PPP1R1C: variants seen among roughly 807,000 people sequenced by gnomAD.
PPP1R1C encodes the protein protein phosphatase 1 regulatory inhibitor subunit 1C, also known as protein phosphatase 1 regulatory subunit 1C.
Under a neutral mutation model 17.4 loss-of-function variants are expected in PPP1R1C, and 15 were observed. The observed-to-expected ratio is 0.86, with a 90% CI of 0.58 to 1.33. PPP1R1C has a LOEUF of 1.33. Ranked by LOEUF, PPP1R1C falls within the 40% of genes most tolerant of loss-of-function variation. The probability of loss-of-function intolerance (pLI) is 0.00; values close to 1 mark genes in which losing one functional copy is unlikely to be tolerated. For missense variants in PPP1R1C, 143 were observed against 130.0 expected, an observed-to-expected ratio of 1.10 and a Z score of -0.48; for synonymous variants, 35 against 43.1, an observed-to-expected ratio of 0.81 and a Z score of 0.73.
chr2:181,958,633 T>C (rs1684709612), intron 1 of PPP1R1C, among the ~76,000 whole-genome samples: 1 of 152,226 alleles, frequency 6.6e-6, no homozygotes, highest in Non-Finnish European at 1.5e-5. Flanking sequence ...GAAGTCTTTC[T>C]TGTACTCACT....
intron 4 of PPP1R1C, among the ~76,000 whole-genome samples, chr2:182,070,056 C>T (rs572595952): frequency 6.6e-6 from 1 of 152,290 alleles, no homozygotes; most frequent in East Asian, 1.9e-4. Context: ...GTGGATAGAG[C>T]ATAGCATGGT....
chr2:182,105,400 C>A (rs896259849), intron 4 of PPP1R1C, among the ~76,000 whole-genome samples: 1 of 152,168 alleles, frequency 6.6e-6, no homozygotes, highest in African/African-American at 2.4e-5. Context: ...AGTTGTGCTT[C>A]TCCATTGGGG....
intron 4 of PPP1R1C, among the ~76,000 whole-genome samples, chr2:182,107,754 C>T (rs183533250): frequency 3.3e-5 from 5 of 152,246 alleles, no homozygotes; most frequent in Non-Finnish European, 5.9e-5. Context: ...GCACATCCTC[C>T]TCTTTCTCAG....
At chr2:182,014,138 G>A (rs1686174911) in intron 2 of PPP1R1C, among the ~76,000 whole-genome samples, 1 of 152,130 alleles carries the variant, frequency 6.6e-6, no homozygotes. Context: ...GGTGTTGATT[G>A]TGGTCTTTAT....
At chr2:182,069,274 C>CT (rs752186150) in intron 4 of PPP1R1C, among the ~76,000 whole-genome samples, 1,659 of 142,862 alleles carry the variant, frequency 0.012, 12 homozygotes, top group Non-Finnish European at 0.018. Context: ...GTCTCGCTTT[C>CT]TTTTTTTTTT....
intron 2 of PPP1R1C, among the ~76,000 whole-genome samples, chr2:182,053,065 A>G (rs1458403282): frequency 1.3e-5 from 2 of 152,244 alleles, no homozygotes; most frequent in African/African-American, 4.8e-5. Context: ...ACACAAAACA[A>G]AAGTGTATGT....
At chr2:182,031,493 C>G (rs1266390795) in intron 2 of PPP1R1C, among the ~76,000 whole-genome samples, 1 of 152,234 alleles carries the variant, frequency 6.6e-6, no homozygotes, top group South Asian at 2.1e-4. Flanking sequence ...TTAGTTATAG[C>G]CTGGAGAATT....
chr2:182,117,188 A>G lies in PPP1R1C; in HGVS notation c.242-19A>G, dbSNP rs756599773. On this transcript the variant is annotated intron_variant, in intron 4 of 4. Transcript: ENST00000682840. ...GAAATGAAAATCATTTAAATTTTGC[A>G]TAATTTTTATAATTTCAGGGGTTAA... The G allele has an allele frequency of 5.4e-6, 8 of 1,483,346 alleles. No homozygotes were observed. The South Asian group carries it at 7.6e-5, about 14-fold the overall frequency. 91.9% of individuals were successfully genotyped at this position (1,483,346 alleles called of 1,614,324 possible).
chr2:182,051,180 A>T (rs1574411819), intron 2 of PPP1R1C, among the ~76,000 whole-genome samples: 1 of 152,328 alleles, frequency 6.6e-6, no homozygotes, highest in Non-Finnish European at 1.5e-5. Flanking sequence ...CATGATTGAG[A>T]CTTTTATTCT....
At chr2:181,987,507 A>G (rs1287568213) in intron 1 of PPP1R1C, among the ~76,000 whole-genome samples, 2 of 152,238 alleles carry the variant, frequency 1.3e-5, no homozygotes, top group Admixed American at 1.3e-4. Flanking sequence ...CAATGTTATG[A>G]GGCTCCAAGC....
intron 2 of PPP1R1C, among the ~76,000 whole-genome samples, chr2:182,033,468 A>G (rs551322438): frequency 5.5e-4 from 84 of 152,326 alleles, no homozygotes; most frequent in Middle Eastern, 3.4e-3. Flanking sequence ...AAGTGAATTT[A>G]TGACTTCCTT....
chr2:181,977,364 T>G (rs1685112519), intron 2 of PPP1R1C, among the ~76,000 whole-genome samples: 2 of 151,994 alleles, frequency 1.3e-5, no homozygotes, highest in South Asian at 2.1e-4. Flanking sequence ...GTCTTCTTAC[T>G]CCTCTGATTG....
intron 2 of PPP1R1C, among the ~76,000 whole-genome samples, chr2:182,049,332 C>CAAAAAA (rs3064024): frequency 2.6e-5 from 2 of 77,964 alleles, no homozygotes; most frequent in Admixed American, 1.2e-4. Context: ...GATTCCATCT[C>CAAAAAA]AAAAAAAAAA....
In PPP1R1C at chr2:181,963,378, C is replaced by T. The variant is rs190541660; in HGVS notation, n.111+8744C>T. ...AAAGTTGGCCAGGCGCAATGGCTTA[C>T]GCCTGTAATCCCAGCACTTTGGGGG... is the stretch of plus-strand genomic sequence containing the variant. On this transcript the variant is annotated intron_variant and non_coding_transcript_variant, in intron 1 of 5. Transcript: ENST00000464264. Among the ~76,000 whole-genome samples the T allele has an allele frequency of 4.4e-3, 666 of 152,306 alleles. 19 individuals are homozygous for T. The highest frequency in any genetic ancestry group is 4.2e-3 in the Non-Finnish European group (284 of 68,016).
chr2:181,997,086 G>T (rs1226801609), intron 2 of PPP1R1C, among the ~76,000 whole-genome samples: 1 of 152,106 alleles, frequency 6.6e-6, no homozygotes, highest in Admixed American at 6.5e-5. Context: ...AACATTAGCT[G>T]GGCGCGGTGG....
intron 4 of PPP1R1C, among the ~76,000 whole-genome samples, chr2:182,065,426 C>T (rs186892399): frequency 2.0e-4 from 31 of 152,136 alleles, no homozygotes; most frequent in African/African-American, 5.3e-4. Context: ...CTTGTGAGCA[C>T]ATCAAGAGGC....
intron 4 of PPP1R1C, among the ~76,000 whole-genome samples, chr2:182,105,981 G>A (rs148638456): frequency 1.6e-4 from 25 of 152,292 alleles, no homozygotes; most frequent in African/African-American, 5.1e-4. Flanking sequence ...TTTCCTCTGA[G>A]GGCTGAAGGA....
chr2:182,050,283 T>A (rs1687470485), intron 2 of PPP1R1C, among the ~76,000 whole-genome samples: 1 of 152,238 alleles, frequency 6.6e-6, no homozygotes, highest in African/African-American at 2.4e-5. Flanking sequence ...AGCCAGGCTG[T>A]CAGTGGCTGT....
chr2:181,961,497 C>A lies in PPP1R1C; in HGVS notation n.111+6863C>A, dbSNP rs188965374. On this transcript the variant is annotated intron_variant and non_coding_transcript_variant, in intron 1 of 5. Coordinates refer to the PPP1R1C transcript ENST00000464264. The surrounding 1 kb of genome is among the most constrained non-coding windows in gnomAD (Gnocchi z 5.8). ...GCTCCATCTGCAGGGTGTAGCGGGC[C>A]TCCACCTCCCTCAGGCTGTTCTCCA... 2,936 of 1,123,350 alleles carry A rather than the reference C, an allele frequency of 2.6e-3. 7 individuals are homozygous for A. The highest frequency in any genetic ancestry group is 3.4e-3 in the Non-Finnish European group (2,584 of 765,844). 69.6% of individuals were successfully genotyped at this position (1,123,350 alleles called of 1,614,324 possible).
Sources: gnomAD v4.1 joint callset for allele counts (sites outside exome capture counted in the v4.1 genomes callset) on GRCh38, gnomAD v4.1.1 for gene constraint, Gnocchi (gnomAD v3.1) non-coding constraint, MANE v1.5 for transcripts, NCBI Gene and HGNC (gene_info 2026-07-23, HGNC 2026-07-21) for gene names.